FAM221A: variants seen among roughly 807,000 people sequenced by gnomAD.
FAM221A encodes protein FAM221A.
FAM221A carries 43 observed loss-of-function variants against 37.6 expected under a neutral mutation model. That is an observed-to-expected ratio of 1.15 (90% CI 0.90 to 1.48). The LOEUF is 1.48. Among genes scored for constraint, FAM221A ranks in the 40% most tolerant of loss-of-function variants. The pLI, the probability that FAM221A is intolerant of heterozygous loss-of-function variation, is 0.00. For synonymous variants in FAM221A, 135 were observed against 132.9 expected, an observed-to-expected ratio of 1.02 and a Z score of -0.11; for missense variants, 361 against 361.5, an observed-to-expected ratio of 1.00 and a Z score of 0.01.
rs548177790 is a variant in FAM221A, at chr7:23,692,789, C to T, written c.637+1193C>T. The T allele has an allele frequency of 3.4e-5, 31 of 922,290 alleles. 1 individual carries two copies. In the South Asian group the frequency reaches 6.5e-4, roughly 19 times the overall value. 57.1% of individuals were successfully genotyped at this position (922,290 alleles called of 1,614,324 possible). On this transcript the variant is annotated intron_variant, in intron 4 of 6. Transcript: ENST00000344962. ...TTTGCTATCATCAATTAATTTTTCT[C>T]TTTAACATACAATTTTACTATTTAC...
At position 23,684,723 on chromosome 7, in the gene FAM221A, A is replaced by G. The variant is rs550013218; in HGVS notation, c.239+51A>G. On this transcript the variant is annotated intron_variant, in intron 2 of 6. Coordinates refer to ENST00000344962, the MANE Select transcript of FAM221A (RefSeq NM_199136.5). ...TTGATAATTAGAAAATAAAAAGCTA[A>G]GCATATCTTACTTCTACAAATCGTA... is the stretch of plus-strand genomic sequence containing the variant. 3.4e-6 allele frequency: 5 copies of G among 1,471,218 alleles called. No homozygotes were observed. In the African/African-American group the frequency reaches 7.1e-5, roughly 21 times the overall value. 91.1% of individuals were successfully genotyped at this position (1,471,218 alleles called of 1,614,324 possible).
At chr7:23,691,267 C>T (rs1474307455) in intron 3 of FAM221A, 123 bp from the exon 4 acceptor site, 3 of 789,166 alleles carry the variant, frequency 3.8e-6, no homozygotes, top group Non-Finnish European at 6.3e-6. Flanking sequence ...AGTTCGGTGG[C>T]TGGAGGTAAG....
intron 2 of FAM221A, chr7:23,686,535 A>G (rs1484360417): frequency 3.9e-6 from 1 of 253,814 alleles, no homozygotes; most frequent in Non-Finnish European, 7.9e-6. Flanking sequence ...CAAAGTACTC[A>G]GATTACACGT....
intron 4 of FAM221A, among the ~76,000 whole-genome samples, chr7:23,697,162 A>C (rs56109020): frequency 2.6e-5 from 4 of 152,204 alleles, no homozygotes; most frequent in African/African-American, 9.7e-5. Context: ...AGAGGGCAGC[A>C]CAAGGACGTG....
intron 5 of FAM221A, among the ~76,000 whole-genome samples, chr7:23,699,759 C>T (rs1372909426): frequency 6.6e-6 from 1 of 151,940 alleles, no homozygotes; most frequent in East Asian, 1.9e-4. Flanking sequence ...CCAGGCTGGT[C>T]TCGAACTCTT....
In FAM221A at chr7:23,692,770, A is replaced by G. The variant is rs939259596; in HGVS notation, c.637+1174A>G. On this transcript the variant is annotated intron_variant, in intron 4 of 6. Coordinates refer to ENST00000344962, the MANE Select transcript of FAM221A (RefSeq NM_199136.5). ...ATTCTTTCCCCGAGGGTAATTTGCT[A>G]TCATCAATTAATTTTTCTCTTTAAC... 3.2e-5 allele frequency: 31 copies of G among 970,186 alleles called. No individual in the cohort carries two copies. In the African/African-American group the frequency reaches 4.4e-4, roughly 14 times the overall value. The allele number at this position is 970,186 out of a possible 1,614,324, so 60.1% of individuals were successfully genotyped here.
intron 6 of FAM221A, among the ~76,000 whole-genome samples, chr7:23,701,236 CTCTTTT>C (rs1785416153): frequency 2.7e-5 from 2 of 72,744 alleles, no homozygotes; most frequent in Non-Finnish European, 6.0e-5. Context: ...ATTTTGAATT[CTCTTTT>C]TTTTTTTTTT....
In FAM221A at chr7:23,700,862, G is replaced by A. The variant is rs747257628; in HGVS notation, c.822G>A (p.Gln274=). Residue 274 remains glutamine (Q), a synonymous_variant, in exon 6 of 7, where the codon CAG becomes CAA. Transcript: ENST00000344962. ...DDMAFFERRY[Q]ERMKMEKAAK... ...TGGCTTTCTTTGAAAGACGATACCAGGAAAGGGTAGGTTTTTGAGGAAATT... is the reference window on the plus strand; with the variant it reads ...TGGCTTTCTTTGAAAGACGATACCAAGAAAGGGTAGGTTTTTGAGGAAATT... The A allele has an allele frequency of 1.2e-5, 20 of 1,605,082 alleles. No individual in the cohort carries two copies. The Admixed American group carries it at 2.1e-4, about 17-fold the overall frequency.
intron 3 of FAM221A, among the ~76,000 whole-genome samples, chr7:23,690,199 A>ATATATATTTATT (rs774313037): frequency 2.1e-5 from 1 of 48,740 alleles, no homozygotes; most frequent in Admixed American, 3.0e-4. Context: ...ATATATATAT[A>ATATATATTTATT]TTTTTTTTTT....
intron 2 of FAM221A, chr7:23,686,308 G>C (rs1411619286): frequency 2.3e-6 from 1 of 431,656 alleles, no homozygotes; most frequent in Non-Finnish European, 4.6e-6. Flanking sequence ...CTGTCACTCA[G>C]GTTGGAGTGC....
At chr7:23,684,036 G>T (rs1784216230) in intron 1 of FAM221A, among the ~76,000 whole-genome samples, 1 of 151,930 alleles carries the variant, frequency 6.6e-6, no homozygotes, top group African/African-American at 2.4e-5. Context: ...AATCTAAATG[G>T]GTCCAGGTGC....
intron 1 of FAM221A, 103 bp from the exon 2 acceptor site, chr7:23,684,396 A>AG: frequency 2.0e-5 from 13 of 660,972 alleles, no homozygotes; most frequent in African/African-American, 2.4e-5. Flanking sequence ...AGATTTACAA[A>AG]ATAAAAGCTT....
chr7:23,700,065 C>T (rs1236005811), intron 5 of FAM221A, among the ~76,000 whole-genome samples: 4 of 152,104 alleles, frequency 2.6e-5, no homozygotes, highest in Non-Finnish European at 5.9e-5. Context: ...CAAAGATAAT[C>T]GACAGACTGT....
intron 4 of FAM221A, among the ~76,000 whole-genome samples, chr7:23,696,985 G>GA (rs1785096814): frequency 6.6e-6 from 1 of 152,180 alleles, no homozygotes; most frequent in Non-Finnish European, 1.5e-5. Context: ...GGCAGAGCTG[G>GA]AGGTGGGTTC....
At chr7:23,681,546 AG>A (rs1784041739) in intron 1 of FAM221A, among the ~76,000 whole-genome samples, 1 of 151,932 alleles carries the variant, frequency 6.6e-6, no homozygotes, top group Non-Finnish European at 1.5e-5. Flanking sequence ...CAGCCTCCCG[AG>A]TAGCTGGGAC....
rs1279852467 is a variant in FAM221A, at chr7:23,684,374, G to T, written c.66-125G>T. ...TACAGAGACCCGGCCTGCCACATCTGTAAGAAAAGACAGATTTACAAAATA... is the reference window on the plus strand; with the variant it reads ...TACAGAGACCCGGCCTGCCACATCTTTAAGAAAAGACAGATTTACAAAATA... On this transcript the variant is annotated intron_variant, in intron 1 of 6. Transcript: ENST00000344962. 6 of 782,480 alleles carry T rather than the reference G, an allele frequency of 7.7e-6. No homozygotes were observed. The East Asian group carries it at 1.7e-4, about 22-fold the overall frequency. 48.5% of individuals were successfully genotyped at this position (782,480 alleles called of 1,614,324 possible). A position where few individuals can be genotyped will look rare whatever the true frequency, so the allele number is the denominator to read the frequency against.
rs1785498945 is a variant in FAM221A at position 23,702,150 on chromosome 7, A to G, written c.883A>G (p.Thr295Ala). The change falls in exon 7 of 7, where the codon ACA becomes GCA. Residue 295 changes from threonine (T) to alanine (A), a missense_variant. Transcript: ENST00000344962. ...WKGKAPLPSATKPS is the reference protein window; with the variant it reads ...WKGKAPLPSAAKPS The stretch of plus-strand genomic sequence containing the variant: ...AGGAAAAGCTCCATTGCCATCAGCT[A>G]CAAAACCTTCATGAAGACTATTGGA... 1.9e-6 allele frequency: 3 copies of G among 1,597,202 alleles called. No homozygotes were observed. The highest frequency in any genetic ancestry group is 2.6e-6 in the Non-Finnish European group (3 of 1,171,556).
intron 4 of FAM221A, 105 bp from the exon 5 acceptor site, chr7:23,698,087 T>G (rs1785176313): frequency 1.4e-6 from 1 of 692,646 alleles, no homozygotes; most frequent in African/African-American, 1.9e-5. Context: ...AGAAAGAATT[T>G]CTAATAATTC....
intron 1 of FAM221A, among the ~76,000 whole-genome samples, chr7:23,682,800 C>T (rs1784134256): frequency 6.6e-6 from 1 of 152,080 alleles, no homozygotes; most frequent in South Asian, 2.1e-4. Context: ...TGGTCTAGAA[C>T]TTAAATACCA....
Sources: gnomAD v4.1 joint callset for allele counts (sites outside exome capture counted in the v4.1 genomes callset) on GRCh38, gnomAD v4.1.1 for gene constraint, MANE v1.5 for transcripts, NCBI Gene and HGNC (gene_info 2026-07-23, HGNC 2026-07-21) for gene names.